Variants in KIF3A observed in about 807,000 individuals in gnomAD.
The protein encoded by KIF3A is kinesin family member 3A.
A neutral mutation model predicts 92.6 loss-of-function variants in KIF3A; 27 were observed. The observed-to-expected ratio is 0.29, with a 90% CI of 0.21 to 0.40. The LOEUF (loss-of-function observed/expected upper bound fraction) is 0.40. Among genes scored for constraint, KIF3A ranks in the 10% least tolerant of loss-of-function variants. The pLI is 1.00. For synonymous variants in KIF3A, 250 were observed against 275.4 expected, an observed-to-expected ratio of 0.91 and a Z score of 0.92; for missense variants, 581 against 872.6, an observed-to-expected ratio of 0.67 and a Z score of 4.21.
chr5:132,699,597 C>T (rs1278509945), intron 17 of KIF3A: 6 of 452,928 alleles, frequency 1.3e-5, no homozygotes, highest in East Asian at 6.7e-5. Flanking sequence ...CTCACTCTGT[C>T]GCCCAGGCTG....
chr5:132,718,656 T>A (rs1407113990), intron 5 of KIF3A, among the ~76,000 whole-genome samples: 1 of 151,908 alleles, frequency 6.6e-6, no homozygotes, highest in African/African-American at 2.4e-5. Flanking sequence ...AGACAGAGTC[T>A]TCCTCTATTG....
At chr5:132,707,775 G>A (rs563313958) in intron 10 of KIF3A, among the ~76,000 whole-genome samples, 55 of 152,148 alleles carry the variant, frequency 3.6e-4, no homozygotes, top group Admixed American at 5.2e-4. Context: ...TAAGTATATA[G>A]ATAATGCTTT....
chr5:132,736,297 T>A (rs1754386154), intron 1 of KIF3A, among the ~76,000 whole-genome samples: 1 of 152,210 alleles, frequency 6.6e-6, no homozygotes, highest in East Asian at 1.9e-4. Context: ...ACAAAAATAA[T>A]TTCTAAAGTC....
chr5:132,725,376 T>C (rs190697187), intron 4 of KIF3A, among the ~76,000 whole-genome samples: 4 of 152,328 alleles, frequency 2.6e-5, no homozygotes, highest in South Asian at 2.1e-4. Flanking sequence ...ATGTCAGGCA[T>C]TGATTTAAAC....
In KIF3A at chr5:132,715,559, A is replaced by T. The variant is rs1203865781; in HGVS notation, c.1129+198T>A. ...TGTTTTTAAAAAACCACATACACAAATATTATGTAATTTTACTTAAGCTTA... is the reference window on the plus strand; with the variant it reads ...TGTTTTTAAAAAACCACATACACAATTATTATGTAATTTTACTTAAGCTTA... On this transcript the variant is annotated intron_variant, in intron 8 of 18. Coordinates refer to ENST00000403231, the MANE Select transcript of KIF3A (RefSeq NM_001300791.2). 5.3e-5 allele frequency among the ~76,000 whole-genome samples: 8 copies of T among 152,318 alleles called. No individual in the cohort carries two copies. The East Asian group carries it at 1.3e-3, about 26-fold the overall frequency.
At chr5:132,719,435 G>A (rs4705965) in intron 5 of KIF3A, among the ~76,000 whole-genome samples, 85,752 of 151,860 alleles carry the variant, frequency 0.56, 26,874 homozygotes, top group Non-Finnish European at 0.73. Flanking sequence ...TATATCTATC[G>A]TCAAGTCACA....
intron 5 of KIF3A, among the ~76,000 whole-genome samples, chr5:132,718,924 C>T (rs1753732838): frequency 1.3e-5 from 2 of 152,346 alleles, no homozygotes; most frequent in South Asian, 4.1e-4. Context: ...CCACCACACC[C>T]AGCCTAACTC....
intron 2 of KIF3A, among the ~76,000 whole-genome samples, chr5:132,730,353 C>A (rs1279545303): frequency 6.6e-6 from 1 of 152,036 alleles, no homozygotes; most frequent in Non-Finnish European, 1.5e-5. Context: ...GTAATCCCAG[C>A]TACCCAGGTG....
At chr5:132,706,571 T>C in intron 10 of KIF3A, 112 bp from the exon 11 acceptor site, 2 of 751,030 alleles carry the variant, frequency 2.7e-6, no homozygotes, top group African/African-American at 1.9e-5. Context: ...AAATATATAA[T>C]AGCATTCATT....
intron 18 of KIF3A, 126 bp from the exon 19 acceptor site, chr5:132,696,808 T>C (rs2149890241): frequency 1.5e-6 from 1 of 663,648 alleles, no homozygotes; most frequent in Admixed American, 2.6e-5. Context: ...ATTTGACACG[T>C]TTGACCATGG....
chr5:132,688,975 T>TA (rs1405137681), downstream of KIF3A, among the ~76,000 whole-genome samples: 1 of 152,162 alleles, frequency 6.6e-6, no homozygotes, highest in Non-Finnish European at 1.5e-5. Context: ...GTCATATTCT[T>TA]TAGTCAGAGC....
intron 5 of KIF3A, among the ~76,000 whole-genome samples, chr5:132,719,926 T>C (rs1433959075): frequency 6.6e-6 from 1 of 152,206 alleles, no homozygotes. Flanking sequence ...TAATTTAAAT[T>C]TTGTTTTGCT....
At chr5:132,720,097 C>T (rs1238978551) in intron 5 of KIF3A, among the ~76,000 whole-genome samples, 1 of 152,126 alleles carries the variant, frequency 6.6e-6, no homozygotes, top group African/African-American at 2.4e-5. Flanking sequence ...CCAGTTCAGC[C>T]TCCCGAGTTG....
chr5:132,720,469 T>C, intron 5 of KIF3A, 140 bp downstream of exon 5: 1 of 577,410 alleles, frequency 1.7e-6, no homozygotes, highest in South Asian at 2.5e-5. Flanking sequence ...GCTCTCTACA[T>C]GGTAAATAAT....
intron 8 of KIF3A, among the ~76,000 whole-genome samples, chr5:132,714,650 G>A (rs181222065): frequency 1.3e-5 from 2 of 152,186 alleles, no homozygotes; most frequent in Admixed American, 1.3e-4. Context: ...TACTTAAATG[G>A]GCACAGCATT....
At chr5:132,722,580 G>A (rs1411485312) in intron 4 of KIF3A, among the ~76,000 whole-genome samples, 1 of 152,060 alleles carries the variant, frequency 6.6e-6, no homozygotes, top group East Asian at 1.9e-4. Context: ...ATATTCACAT[G>A]GTAAAAAAAC....
intron 4 of KIF3A, among the ~76,000 whole-genome samples, chr5:132,721,142 G>C (rs1336957187): frequency 6.6e-6 from 1 of 152,164 alleles, no homozygotes; most frequent in Non-Finnish European, 1.5e-5. Context: ...TGGCTGGAGA[G>C]AGCAGGAAAC....
In KIF3A at chr5:132,734,467, T is replaced by C. The variant is rs1754328695; in HGVS notation, c.18A>G (p.Ser6=). The C allele has an allele frequency of 1.2e-6, 2 of 1,610,496 alleles. No individual in the cohort carries two copies. Among genetic ancestry groups the C allele is most frequent in the African/African-American group, 2.7e-5 (2 of 74,720 alleles). Residue 6 remains serine, a synonymous_variant, in exon 2 of 19, where the codon TCA becomes TCG. Transcript: ENST00000403231. MPINK[S]EKPESCDNVK... ...CATTATCGCAGCTTTCTGGCTTCTC[T>C]GATTTATTGATCTGTTGGAGATAAT...
At chr5:132,711,177 C>G in intron 8 of KIF3A, 120 bp from the exon 9 acceptor site, 4 of 807,802 alleles carry the variant, frequency 5.0e-6, no homozygotes, top group Non-Finnish European at 8.3e-6. Context: ...AATTTAAATA[C>G]TATTTAAATG....
Sources: gnomAD v4.1 joint callset for allele counts (sites outside exome capture counted in the v4.1 genomes callset) on GRCh38, gnomAD v4.1.1 for gene constraint, MANE v1.5 for transcripts, NCBI Gene and HGNC (gene_info 2026-07-23, HGNC 2026-07-21) for gene names.